The following CNTN5 variants were observed in gnomAD, a reference collection of about 807,000 sequenced individuals.
The protein encoded by CNTN5 is contactin-5.
In CNTN5, 77 loss-of-function variants were observed where a neutral mutation model predicts 129.1. That is an observed-to-expected ratio of 0.60 (90% CI 0.50 to 0.72). The LOEUF is 0.72. Ranked by LOEUF, CNTN5 falls within the 30% of genes least tolerant of loss-of-function variation. CNTN5 has a pLI of 0.00. For synonymous variants in CNTN5, 509 were observed against 465.6 expected, an observed-to-expected ratio of 1.09 and a Z score of -1.20; for missense variants, 1,478 against 1,328.8, an observed-to-expected ratio of 1.11 and a Z score of -1.75.
chr11:99,190,809 T>C (rs1387947776), intron 1 of CNTN5, among the ~76,000 whole-genome samples: 1 of 151,564 alleles, frequency 6.6e-6, no homozygotes, highest in East Asian at 1.9e-4. Flanking sequence ...GGGATTTCTA[T>C]ATATTATATC....
At chr11:99,474,506 T>TA (rs1187205650) in intron 2 of CNTN5, among the ~76,000 whole-genome samples, 19 of 152,202 alleles carry the variant, frequency 1.2e-4, no homozygotes, top group African/African-American at 3.1e-4. Context: ...TAAATTCTAA[T>TA]AAAAAAAGCC....
Position 100,224,781 on chromosome 11 carries a change from T to G in CNTN5, c.1974T>G (p.Ser658Arg). 6.2e-7 allele frequency: 1 copy of G among 1,613,218 alleles called. No homozygotes were observed. Among genetic ancestry groups the G allele is most frequent in the Non-Finnish European group, 8.5e-7 (1 of 1,179,302 alleles). ...GCAGGGTACAGACCACAGCAGACAGTGTGTCAGATGAGGCAGAACTTCTTG... is the reference window on the plus strand; with the variant it reads ...GCAGGGTACAGACCACAGCAGACAGGGTGTCAGATGAGGCAGAACTTCTTG... ...YGCRVQTTAD[S>R]VSDEAELLVR... The change falls in exon 16 of 25, where the codon AGT becomes AGG. Residue 658 changes from serine (S) to arginine (R), a missense_variant. Transcript: ENST00000524871.
At chr11:100,143,591 G>T (rs949205510) in intron 13 of CNTN5, among the ~76,000 whole-genome samples, 2 of 152,120 alleles carry the variant, frequency 1.3e-5, no homozygotes, top group African/African-American at 4.8e-5. Context: ...CGGGAAAAAA[G>T]GAAGGAGATT....
At chr11:99,582,067 T>A (rs1208984800) in intron 3 of CNTN5, among the ~76,000 whole-genome samples, 1 of 152,112 alleles carries the variant, frequency 6.6e-6, no homozygotes, top group East Asian at 1.9e-4. Context: ...AAGTATTTTA[T>A]TTCTCCTTCA....
chr11:99,800,068 G>GTT (rs148924841), intron 3 of CNTN5, among the ~76,000 whole-genome samples: 1 of 151,402 alleles, frequency 6.6e-6, no homozygotes, highest in Non-Finnish European at 1.5e-5. Flanking sequence ...CATTGTTTCT[G>GTT]TTTTTTTCTA....
intron 3 of CNTN5, among the ~76,000 whole-genome samples, chr11:99,743,196 A>G (rs926495336): frequency 1.3e-5 from 2 of 152,168 alleles, no homozygotes; most frequent in African/African-American, 4.8e-5. Context: ...TGTACATTAG[A>G]TGTGTCGTTT....
At chr11:99,034,326 A>C (rs938579534) in intron 1 of CNTN5, among the ~76,000 whole-genome samples, 1 of 151,976 alleles carries the variant, frequency 6.6e-6, no homozygotes, top group Non-Finnish European at 1.5e-5. Flanking sequence ...ATTGATTGGA[A>C]TAGTTTCAGA....
intron 1 of CNTN5, among the ~76,000 whole-genome samples, chr11:99,242,377 G>A (rs1283934284): frequency 6.6e-6 from 1 of 152,066 alleles, no homozygotes; most frequent in African/African-American, 2.4e-5. Flanking sequence ...TACAAGTCAT[G>A]TTAAAGTATT....
chr11:99,410,572 AAG>A (rs141586619), intron 2 of CNTN5, among the ~76,000 whole-genome samples: 4,557 of 151,642 alleles, frequency 0.03, 214 homozygotes, highest in African/African-American at 0.1. Context: ...ACCAGAGAAG[AAG>A]AGAGAGAGAG....
intron 1 of CNTN5, among the ~76,000 whole-genome samples, chr11:99,213,168 G>T (rs2135675511): frequency 6.7e-6 from 1 of 150,218 alleles, no homozygotes; most frequent in South Asian, 2.1e-4. Context: ...TCCAGCCAGG[G>T]CGACAGAGTG....
chr11:99,184,451 ATCT>A (rs1858238288), intron 1 of CNTN5, among the ~76,000 whole-genome samples: 3 of 152,150 alleles, frequency 2.0e-5, no homozygotes, highest in East Asian at 3.9e-4. Context: ...GCTATGGGAA[ATCT>A]TCTCCAATCC....
intron 3 of CNTN5, among the ~76,000 whole-genome samples, chr11:99,585,086 C>G (rs1411753557): frequency 6.6e-6 from 1 of 152,162 alleles, no homozygotes; most frequent in Middle Eastern, 3.2e-3. Context: ...ACATATTTTC[C>G]AAATGACCAA....
chr11:99,096,576 G>C (rs903538792), intron 1 of CNTN5, among the ~76,000 whole-genome samples: 1 of 151,756 alleles, frequency 6.6e-6, no homozygotes, highest in Non-Finnish European at 1.5e-5. Context: ...TTTAAGATAG[G>C]AAAAACAAGT....
chr11:99,745,069 T>C (rs990159518), intron 3 of CNTN5, among the ~76,000 whole-genome samples: 4 of 152,172 alleles, frequency 2.6e-5, no homozygotes, highest in African/African-American at 7.2e-5. Context: ...TAAGTCTTGC[T>C]TGGCATTTCA....
At chr11:100,023,272 ATCT>A (rs1387690034) in intron 9 of CNTN5, among the ~76,000 whole-genome samples, 5 of 152,134 alleles carry the variant, frequency 3.3e-5, no homozygotes, top group Non-Finnish European at 7.4e-5. Flanking sequence ...GCAATATTTG[ATCT>A]TCTGTTAATC....
At chr11:99,595,569 A>C (rs1281768464) in intron 3 of CNTN5, among the ~76,000 whole-genome samples, 1 of 152,150 alleles carries the variant, frequency 6.6e-6, no homozygotes, top group Non-Finnish European at 1.5e-5. Flanking sequence ...GGAAAAGCAA[A>C]GGTAAATATG....
intron 1 of CNTN5, among the ~76,000 whole-genome samples, chr11:99,069,064 T>A (rs1015531207): frequency 8.6e-5 from 13 of 151,958 alleles, no homozygotes; most frequent in African/African-American, 2.9e-4. Flanking sequence ...AAAGCAAAAA[T>A]AGGAAGCCGA....
chr11:99,446,871 C>A (rs1017684496), intron 2 of CNTN5, among the ~76,000 whole-genome samples: 1 of 152,196 alleles, frequency 6.6e-6, no homozygotes, highest in African/African-American at 2.4e-5. Context: ...TAGTACCCTT[C>A]CCTACTTCTT....
At chr11:100,135,144 AT>A (rs1946483127) in intron 13 of CNTN5, among the ~76,000 whole-genome samples, 1 of 149,060 alleles carries the variant, frequency 6.7e-6, no homozygotes, top group African/African-American at 2.5e-5. Flanking sequence ...CTGTTTGGAT[AT>A]GTGTTATCTT....
Sources: gnomAD v4.1 joint callset for allele counts (sites outside exome capture counted in the v4.1 genomes callset) on GRCh38, gnomAD v4.1.1 for gene constraint, MANE v1.5 for transcripts, NCBI Gene and HGNC (gene_info 2026-07-23, HGNC 2026-07-21) for gene names.